The following PAK4 variants were observed in gnomAD, a reference collection of about 807,000 sequenced individuals.
PAK4 encodes serine/threonine-protein kinase PAK 4.
In PAK4, 49 loss-of-function variants were observed where a neutral mutation model predicts 53.5. The observed-to-expected ratio is 0.92, with a 90% CI of 0.73 to 1.16. The LOEUF (loss-of-function observed/expected upper bound fraction) is 1.16, where lower values mean the gene tolerates loss of function less well. Ranked by LOEUF, PAK4 falls within the 50% of genes most tolerant of loss-of-function variation. The pLI is 0.00. For missense variants in PAK4, 824 were observed against 850.7 expected, an observed-to-expected ratio of 0.97 and a Z score of 0.39; for synonymous variants, 376 against 375.6, an observed-to-expected ratio of 1.00 and a Z score of -0.01.
intron 1 of PAK4, among the ~76,000 whole-genome samples, chr19:39,143,289 T>TAA (rs33954043): frequency 1.3e-4 from 15 of 117,724 alleles, no homozygotes; most frequent in Non-Finnish European, 1.7e-4. Flanking sequence ...GTAGAAGCAT[T>TAA]AAAAAAAAAA....
chr19:39,172,616 G>A (rs1182454006), intron 2 of PAK4, among the ~76,000 whole-genome samples: 2 of 152,142 alleles, frequency 1.3e-5, no homozygotes, highest in African/African-American at 2.4e-5. Context: ...AAACCCCTCA[G>A]GGCAGGACTA....
intron 1 of PAK4, among the ~76,000 whole-genome samples, chr19:39,164,663 C>T (rs891924313): frequency 3.3e-5 from 5 of 152,150 alleles, no homozygotes; most frequent in Non-Finnish European, 7.4e-5. Flanking sequence ...GGGTTTAAGG[C>T]TGTGAACTCT....
At chr19:39,142,081 A>G (rs867920558) in intron 1 of PAK4, among the ~76,000 whole-genome samples, 4 of 152,068 alleles carry the variant, frequency 2.6e-5, no homozygotes, top group African/African-American at 4.8e-5. Flanking sequence ...TGCTCAAGCA[A>G]TCCTCCCGCC....
rs148732500 is a variant in PAK4 at position 39,172,269 on chromosome 19, G to A, written c.205-649G>A. Among the ~76,000 whole-genome samples the A allele has an allele frequency of 3.0e-4, 45 of 152,232 alleles. No homozygotes were observed. The East Asian group carries it at 8.3e-3, about 28-fold the overall frequency. ...ACCCGTGTGTCTGGAAATGGAACGG[G>A]GGCAGAGGGGGCCTGCAGGACACGA... On this transcript the variant is annotated intron_variant, in intron 2 of 8. Coordinates refer to ENST00000358301, the Ensembl canonical transcript of PAK4.
intron 2 of PAK4, among the ~76,000 whole-genome samples, chr19:39,171,481 C>T (rs987276763): frequency 3.9e-5 from 6 of 152,234 alleles, no homozygotes; most frequent in South Asian, 2.1e-4. Flanking sequence ...GGATTATAGG[C>T]GTGAGCCACT....
chr19:39,141,366 A>G (rs139570668), intron 1 of PAK4, among the ~76,000 whole-genome samples: 1 of 150,410 alleles, frequency 6.6e-6, no homozygotes, highest in African/African-American at 2.4e-5. Context: ...CCCAGGCTGG[A>G]GTGCAGTGGT....
At chr19:39,158,514 G>A (rs2074231830) in intron 1 of PAK4, among the ~76,000 whole-genome samples, 1 of 152,204 alleles carries the variant, frequency 6.6e-6, no homozygotes, top group South Asian at 2.1e-4. Context: ...GGCCGTATGG[G>A]CTCCCACACA....
rs563836586 is a variant in PAK4, at chr19:39,127,121, G to A, written c.-23+1202G>A. On this transcript the variant is annotated intron_variant, in intron 1 of 8. Coordinates refer to ENST00000358301, the Ensembl canonical transcript of PAK4. Reference sequence around the variant, plus strand: ...GAGTAGGGTGTTTGTAGGTGGTCTGGAGTCCGAGCAAGGGAGTCCGACGGG... The same window carrying A: ...GAGTAGGGTGTTTGTAGGTGGTCTGAAGTCCGAGCAAGGGAGTCCGACGGG... Among the ~76,000 whole-genome samples, 6 of 152,180 alleles carry A rather than the reference G, an allele frequency of 3.9e-5. No homozygotes were observed. In the South Asian group the frequency reaches 8.3e-4, roughly 21 times the overall value.
intron 1 of PAK4, among the ~76,000 whole-genome samples, chr19:39,143,199 T>C (rs1259803336): frequency 6.6e-6 from 1 of 151,840 alleles, no homozygotes; most frequent in African/African-American, 2.4e-5. Flanking sequence ...GACTCTTGTC[T>C]TATTCACTGC....
At chr19:39,149,201 TCATCACAG>T (rs1464318032) in intron 1 of PAK4, among the ~76,000 whole-genome samples, 1 of 152,166 alleles carries the variant, frequency 6.6e-6, no homozygotes, top group Non-Finnish European at 1.5e-5. Context: ...ACACCCAGGC[TCATCACAG>T]CATTATTCAC....
intron 1 of PAK4, among the ~76,000 whole-genome samples, chr19:39,159,722 A>T (rs1256191121): frequency 1.3e-5 from 2 of 152,204 alleles, no homozygotes; most frequent in African/African-American, 2.4e-5. Flanking sequence ...GGAAGGGATA[A>T]CAAGGTGAAG....
intron 1 of PAK4, among the ~76,000 whole-genome samples, chr19:39,155,954 G>C (rs1195689578): frequency 6.6e-6 from 1 of 152,216 alleles, no homozygotes; most frequent in Non-Finnish European, 1.5e-5. Context: ...TTTCAGCAGG[G>C]TTAGTTTCAT....
intron 7 of PAK4, among the ~76,000 whole-genome samples, chr19:39,177,247 A>G (rs191995141): frequency 1.3e-5 from 2 of 152,280 alleles, no homozygotes; most frequent in African/African-American, 4.8e-5. Context: ...AGCTCTGGGA[A>G]GTGTCTCCCA....
chr19:39,176,801 C>T (rs1248626096), intron 7 of PAK4, 86 bp downstream of exon 8: 8 of 1,507,922 alleles, frequency 5.3e-6, no homozygotes, highest in Non-Finnish European at 7.2e-6. Flanking sequence ...AGATGGGGCC[C>T]AGTCTGGGGA....
At position 39,173,888 on chromosome 19, in the gene PAK4, A is replaced by C; in HGVS notation, c.976A>C (p.Lys326Gln). The C allele has an allele frequency of 1.2e-6, 2 of 1,612,582 alleles. No homozygotes were observed. The highest frequency in any genetic ancestry group is 1.7e-6 in the Non-Finnish European group (2 of 1,179,786). ...CCGCTCCTACCTGGACAACTTCATCAAGATTGGCGAGGGCTCCACGGGCAT... is the reference window on the plus strand; with the variant it reads ...CCGCTCCTACCTGGACAACTTCATCCAGATTGGCGAGGGCTCCACGGGCAT... Residue 326 changes from lysine (K) to glutamine (Q), a missense_variant, in exon 4 of 9, where the codon AAG (lysine) becomes CAG (glutamine). Physicochemically the swap from Lys to Gln is moderately conservative, Grantham distance 53. Transcript: ENST00000358301. The surrounding 1 kb of genome is among the most constrained non-coding windows in gnomAD (Gnocchi z 6.9).
At chr19:39,132,171 G>A (rs2073725044) in intron 1 of PAK4, among the ~76,000 whole-genome samples, 1 of 152,168 alleles carries the variant, frequency 6.6e-6, no homozygotes, top group South Asian at 2.1e-4. Flanking sequence ...CTGAGGAGGA[G>A]GTGTTTTTAA....
At chr19:39,133,990 G>A (rs1017109437) in intron 1 of PAK4, among the ~76,000 whole-genome samples, 3 of 151,446 alleles carry the variant, frequency 2.0e-5, no homozygotes, top group Non-Finnish European at 4.4e-5. Context: ...CCACAGACCC[G>A]TCCCCAGGTG....
intron 1 of PAK4, among the ~76,000 whole-genome samples, chr19:39,165,856 G>T (rs917687504): frequency 1.3e-5 from 2 of 152,222 alleles, no homozygotes; most frequent in Non-Finnish European, 2.9e-5. Context: ...CTGGAGTCTG[G>T]TGTCCACTCT....
chr19:39,169,286 G>C (rs2074430746), intron 1 of PAK4, among the ~76,000 whole-genome samples: 2 of 152,124 alleles, frequency 1.3e-5, no homozygotes, highest in South Asian at 4.2e-4. Flanking sequence ...GGCCTTGTGG[G>C]CCCGCAGGAG....
Sources: allele counts gnomAD v4.1 joint callset (sites outside exome capture counted in the v4.1 genomes callset), GRCh38; gene constraint gnomAD v4.1.1; non-coding constraint Gnocchi (gnomAD v3.1); transcripts MANE v1.5; gene names NCBI Gene and HGNC (gene_info 2026-07-23, HGNC 2026-07-21).